The following SIPA1L3 variants were observed in gnomAD, a reference collection of about 807,000 sequenced individuals.
SIPA1L3 encodes signal induced proliferation associated 1 like 3.
Under a neutral mutation model 150.1 loss-of-function variants are expected in SIPA1L3, and 59 were observed. The ratio of observed to expected loss-of-function variants is 0.39; its 90% CI spans 0.32 to 0.49. The LOEUF (loss-of-function observed/expected upper bound fraction) is 0.49. Ranked by LOEUF, SIPA1L3 falls within the 20% of genes least tolerant of loss-of-function variation. SIPA1L3 has a pLI of 0.86. For synonymous variants in SIPA1L3, 1,070 were observed against 1,077.6 expected (o/e 0.99, Z 0.14); for missense variants, 2,211 against 2,489.5 (o/e 0.89, Z 2.38).
intron 9 of SIPA1L3, among the ~76,000 whole-genome samples, chr19:38,123,977 C>T (rs1436343274): frequency 1.9e-5 from 1 of 52,480 alleles, no homozygotes; most frequent in African/African-American, 5.6e-5. Flanking sequence ...GGGGGCCAAC[C>T]CCCCCCCACC....
chr19:38,166,305 A>AG (rs1972209264), intron 15 of SIPA1L3, among the ~76,000 whole-genome samples: 2 of 151,890 alleles, frequency 1.3e-5, no homozygotes, highest in African/African-American at 4.8e-5. Flanking sequence ...ATACAAAAAA[A>AG]AATTAGCCAG....
intron 1 of SIPA1L3, among the ~76,000 whole-genome samples, chr19:37,976,261 T>C (rs2145604734): frequency 6.6e-6 from 1 of 152,194 alleles, no homozygotes; most frequent in Middle Eastern, 3.4e-3. Flanking sequence ...CCTTGGGTCT[T>C]CGTCTTGTTG....
rs1970490547 is a variant in SIPA1L3 at position 38,101,050 on chromosome 19, A to G, written c.1855-2A>G. Reference sequence around the variant, plus strand: ...TCCACAAAGCCACTCTTGCCTCTGCAGCTCTGCCGGAAGCACAAGGTGGGC... The same window carrying G: ...TCCACAAAGCCACTCTTGCCTCTGCGGCTCTGCCGGAAGCACAAGGTGGGC... On this transcript the variant is annotated splice_acceptor_variant, in intron 5 of 21. Transcript: ENST00000222345. LOFTEE classifies it high-confidence loss of function. The G allele has an allele frequency of 1.3e-6, 2 of 1,544,734 alleles. No homozygotes were observed. The highest frequency in any genetic ancestry group is 1.7e-6 in the Non-Finnish European group (2 of 1,144,040).
At position 38,182,610 on chromosome 19, in the gene SIPA1L3, C is replaced by G. The variant is rs1009700441; in HGVS notation, c.4300C>G (p.Pro1434Ala). 1 of 1,614,216 alleles carries G rather than the reference C, an allele frequency of 6.2e-7. No homozygotes were observed. Among genetic ancestry groups the G allele is most frequent in the Non-Finnish European group, 8.5e-7 (1 of 1,180,026 alleles). The change falls in exon 16 of 22, where the codon CCC becomes GCC. Residue 1434 changes from proline (P) to alanine (A), a missense_variant. Around this residue, in one of 5 missense-constraint regions of SIPA1L3, gnomAD observed 806 missense variants for 870.1 expected, o/e 0.93. Transcript: ENST00000222345. ...PRPSQLAQPS[P>A]FQLSASVPKS... ...GCCCTCCCAGCTGGCCCAGCCCAGC[C>G]CCTTTCAGCTCTCCGCCTCCGTCCC...
chr19:38,074,736 TTG>T (rs765698076), intron 2 of SIPA1L3, among the ~76,000 whole-genome samples: 1 of 152,176 alleles, frequency 6.6e-6, no homozygotes, highest in African/African-American at 2.4e-5. Context: ...TTTACCCTCA[TTG>T]TGTGTGTGTA....
intron 1 of SIPA1L3, among the ~76,000 whole-genome samples, chr19:37,921,240 C>T (rs1039527888): frequency 3.9e-5 from 6 of 152,308 alleles, no homozygotes; most frequent in Non-Finnish European, 8.8e-5. Flanking sequence ...GGCCGGCGTG[C>T]GCTCCCCGCT....
chr19:38,034,599 C>A (rs1968737759), intron 2 of SIPA1L3, among the ~76,000 whole-genome samples: 1 of 152,140 alleles, frequency 6.6e-6, no homozygotes, highest in Non-Finnish European at 1.5e-5. Context: ...AAGGGCAGAG[C>A]CCAGCAGTGT....
At chr19:38,153,946 A>C (rs1216023061) in intron 13 of SIPA1L3, among the ~76,000 whole-genome samples, 1 of 151,850 alleles carries the variant, frequency 6.6e-6, no homozygotes, top group Non-Finnish European at 1.5e-5. Context: ...AAAAAAAAAG[A>C]AAAGAGCCTA....
intron 2 of SIPA1L3, among the ~76,000 whole-genome samples, chr19:38,031,635 C>T (rs553821916): frequency 1.3e-5 from 2 of 152,318 alleles, no homozygotes; most frequent in South Asian, 4.1e-4. Context: ...GTAATGTTCA[C>T]CTAGATCACT....
chr19:37,975,820 G>C (rs908065956), intron 1 of SIPA1L3, among the ~76,000 whole-genome samples: 1 of 151,880 alleles, frequency 6.6e-6, no homozygotes, highest in African/African-American at 2.4e-5. Flanking sequence ...GAAATGGGGG[G>C]TTGGCCGGGC....
chr19:37,941,426 G>T (rs1303467303), intron 1 of SIPA1L3, among the ~76,000 whole-genome samples: 1 of 151,324 alleles, frequency 6.6e-6, no homozygotes, highest in Admixed American at 6.6e-5. Context: ...TGAACAATTG[G>T]GCTGGTGGTT....
intron 1 of SIPA1L3, among the ~76,000 whole-genome samples, chr19:37,969,292 C>T (rs1034021069): frequency 6.6e-5 from 10 of 152,050 alleles, no homozygotes; most frequent in Non-Finnish European, 1.5e-4. Context: ...TGGCTCACGT[C>T]TGTAATCCCA....
At chr19:38,007,323 C>T (rs914230742) in intron 1 of SIPA1L3, among the ~76,000 whole-genome samples, 11 of 151,878 alleles carry the variant, frequency 7.2e-5, no homozygotes, top group African/African-American at 1.9e-4. Context: ...CGTGATGGCA[C>T]GCACCTGTAA....
intron 1 of SIPA1L3, among the ~76,000 whole-genome samples, chr19:37,967,049 G>C (rs911727137): frequency 1.3e-5 from 2 of 152,166 alleles, no homozygotes; most frequent in Non-Finnish European, 2.9e-5. Context: ...TAGGGGGCCA[G>C]AAGTCTGAGA....
intron 1 of SIPA1L3, among the ~76,000 whole-genome samples, chr19:37,936,051 T>C (rs1386075513): frequency 6.6e-6 from 1 of 152,150 alleles, no homozygotes; most frequent in Admixed American, 6.5e-5. Flanking sequence ...ATGGTTGCTC[T>C]ACCTCCAGCC....
intron 7 of SIPA1L3, among the ~76,000 whole-genome samples, chr19:38,109,046 CTG>C (rs1003273889): frequency 3.9e-5 from 6 of 152,048 alleles, no homozygotes; most frequent in African/African-American, 1.2e-4. Flanking sequence ...AAGCCAAACA[CTG>C]TGAATACGGC....
At position 38,193,590 on chromosome 19, in the gene SIPA1L3, C is replaced by A; in HGVS notation, c.4650C>A (p.Ser1550Arg). ...CGCTGTCGGACGAGAGCCTGTGCAGCGGGCGCCGGGAGCCCAGCTTCGCCA... is the reference window on the plus strand; with the variant it reads ...CGCTGTCGGACGAGAGCCTGTGCAGAGGGCGCCGGGAGCCCAGCTTCGCCA... ...QRTLSDESLCSGRREPSFASP... is the reference protein window; with the variant it reads ...QRTLSDESLCRGRREPSFASP... Residue 1550 changes from serine (S) to arginine (R), a missense_variant, in exon 18 of 22, where the codon AGC (serine) becomes AGA (arginine). By Grantham distance (110) the Ser-to-Arg change is moderately radical. Transcript: ENST00000222345. 6.4e-7 allele frequency: 1 copy of A among 1,555,096 alleles called. No homozygotes were observed. Among genetic ancestry groups the A allele is most frequent in the Non-Finnish European group, 8.6e-7 (1 of 1,161,288 alleles).
intron 1 of SIPA1L3, among the ~76,000 whole-genome samples, chr19:37,944,241 G>A (rs1288234162): frequency 6.6e-6 from 1 of 151,338 alleles, no homozygotes; most frequent in Non-Finnish European, 1.5e-5. Context: ...TCGCACCACT[G>A]CACTCCAGCC....
At chr19:38,016,485 T>C (rs1050410554) in intron 1 of SIPA1L3, among the ~76,000 whole-genome samples, 11 of 152,140 alleles carry the variant, frequency 7.2e-5, no homozygotes, top group Non-Finnish European at 7.3e-5. Flanking sequence ...CATATAGGTA[T>C]ACATACTGTG....
Sources: gnomAD v4.1 joint callset for allele counts (sites outside exome capture counted in the v4.1 genomes callset) on GRCh38, gnomAD v4.1.1 for gene constraint, gnomAD v4.1.1 regional missense constraint, MANE v1.5 for transcripts, NCBI Gene and HGNC (gene_info 2026-07-23, HGNC 2026-07-21) for gene names.